Variants in MDN1 observed in about 807,000 individuals in gnomAD.
MDN1 encodes the protein midasin AAA ATPase 1, also known as midasin.
MDN1 carries 266 observed loss-of-function variants against 669.2 expected under a neutral mutation model. That is an observed-to-expected ratio of 0.40 (90% CI 0.36 to 0.44). The LOEUF is 0.44. MDN1 is among the 20% of genes least tolerant of loss of function. The pLI, the probability that MDN1 is intolerant of heterozygous loss-of-function variation, is 1.00. For missense variants in MDN1, 5,940 were observed against 6,754.0 expected (o/e 0.88, Z 4.22); for synonymous variants, 2,385 against 2,457.1 (o/e 0.97, Z 0.87).
intron 61 of MDN1, among the ~76,000 whole-genome samples, chr6:89,694,526 G>C (rs1422772601): frequency 1.3e-5 from 2 of 152,174 alleles, no homozygotes; most frequent in Admixed American, 6.5e-5. Context: ...AATAGCAAGG[G>C]ATACCACATT....
chr6:89,666,490 TTTG>T (rs1345828394), intron 84 of MDN1, among the ~76,000 whole-genome samples: 1 of 152,010 alleles, frequency 6.6e-6, no homozygotes, highest in Non-Finnish European at 1.5e-5. Flanking sequence ...GGTTTTGTTT[TTTG>T]TTTTGTTTTG....
chr6:89,683,076 A>G, intron 73 of MDN1, 56 bp downstream of exon 73: 2 of 1,570,864 alleles, frequency 1.3e-6, no homozygotes, highest in East Asian at 2.2e-5. Context: ...CACATAAAAC[A>G]CAGATCCCAC....
chr6:89,698,665 C>T (rs1812940368), intron 59 of MDN1, among the ~76,000 whole-genome samples, 200 bp downstream of exon 59: 1 of 151,956 alleles, frequency 6.6e-6, no homozygotes, highest in Admixed American at 6.6e-5. Flanking sequence ...CCTTTTTTGA[C>T]TTATCTCAAA....
At position 89,713,183 on chromosome 6, in the gene MDN1, A is replaced by G. The variant is rs1278897096; in HGVS notation, c.7183T>C (p.Tyr2395His). ...RAFSEACWEVYVCSQHSPANR... is the reference protein window; with the variant it reads ...RAFSEACWEVHVCSQHSPANR... ...GCTGGTGAATGCTGGGAACAGACAT[A>G]TACTTCCCAGCATGCTTCAGAAAAG... is the stretch of plus-strand genomic sequence containing the variant. The change falls in exon 47 of 102, where the codon TAT (tyrosine) becomes CAT (histidine). Residue 2395 changes from tyrosine (Y) to histidine (H), a missense_variant. This residue lies in a region of MDN1 where 2,292 missense variants were observed against 2,638.3 expected (regional missense o/e 0.87). Coordinates refer to ENST00000369393, the MANE Select transcript of MDN1 (RefSeq NM_014611.3). The G allele has an allele frequency of 1.2e-6, 2 of 1,614,066 alleles. No individual in the cohort carries two copies. Among genetic ancestry groups the G allele is most frequent in the Admixed American group, 1.7e-5 (1 of 60,004 alleles).
intron 83 of MDN1, among the ~76,000 whole-genome samples, chr6:89,669,731 G>T (rs1810503188): frequency 1.3e-5 from 2 of 152,112 alleles, no homozygotes; most frequent in Admixed American, 6.5e-5. Flanking sequence ...GAGGCTTGGT[G>T]AGGTTAAGAG....
intron 2 of MDN1, among the ~76,000 whole-genome samples, chr6:89,800,673 T>C (rs961915332): frequency 1.3e-5 from 2 of 152,164 alleles, no homozygotes; most frequent in Non-Finnish European, 2.9e-5. Context: ...TTTTAGCAAA[T>C]AATCAAACCT....
chr6:89,694,293 T>A, intron 61 of MDN1, 110 bp from the exon 62 acceptor site: 1 of 872,140 alleles, frequency 1.1e-6, no homozygotes, highest in South Asian at 1.5e-5. Context: ...TCTGGGTTCC[T>A]GAATGACCCA....
chr6:89,772,729 G>A lies in MDN1; in HGVS notation c.1935-8C>T. 1.9e-6 allele frequency: 3 copies of A among 1,609,594 alleles called. No individual in the cohort carries two copies. Among genetic ancestry groups the A allele is most frequent in the Non-Finnish European group, 2.5e-6 (3 of 1,178,466 alleles). On this transcript the variant is annotated splice_region_variant and splice_polypyrimidine_tract_variant and intron_variant, in intron 13 of 101. Transcript: ENST00000369393. Reference sequence around the variant, plus strand: ...GCGAAAGTGAACTTCTCCCTGGGAAGGAGAAAAAAAGAGTTTAAAAACCAC... The same window carrying A: ...GCGAAAGTGAACTTCTCCCTGGGAAAGAGAAAAAAAGAGTTTAAAAACCAC...
In MDN1 at chr6:89,662,305, G is replaced by T; in HGVS notation, c.14413-66C>A. The T allele has an allele frequency of 2.0e-6, 3 of 1,503,952 alleles. No homozygotes were observed. The South Asian group carries it at 3.8e-5, about 19-fold the overall frequency. 93.2% of individuals were successfully genotyped at this position (1,503,952 alleles called of 1,614,324 possible). A position where few individuals can be genotyped will look rare whatever the true frequency, so the allele number is the denominator to read the frequency against. ...CCAAGAAACTGCTTCTGCATGGGTT[G>T]ACTTTTAGACATGCATAATTTCTGC... On this transcript the variant is annotated intron_variant, in intron 86 of 101. Coordinates refer to ENST00000369393, the MANE Select transcript of MDN1 (RefSeq NM_014611.3).
intron 87 of MDN1, 63 bp downstream of exon 87, chr6:89,662,024 C>T (rs575724662): frequency 1.3e-5 from 20 of 1,548,050 alleles, no homozygotes. Context: ...ACCTTGAGAA[C>T]TATACAGCTC....
chr6:89,774,650 C>T lies in MDN1; in HGVS notation c.1905G>A (p.Arg635=). ...GTAGGTGAACAGCCTCACTTTGTTT[C>T]CGTAGAAGCCGCACTCGACCCACTT... The part of the protein sequence containing the change: ...DLQVGRVRLL[R]KQSEAVHLQR... Residue 635 remains arginine, a synonymous_variant, in exon 13 of 102, where the codon CGG becomes CGA. Transcript: ENST00000369393. 6.2e-7 allele frequency: 1 copy of T among 1,613,672 alleles called. No individual in the cohort carries two copies. Among genetic ancestry groups the T allele is most frequent in the East Asian group, 2.2e-5 (1 of 44,858 alleles).
chr6:89,745,134 T>TAAAAA (rs60588845), intron 29 of MDN1, 139 bp downstream of exon 29: 140 of 282,906 alleles, frequency 4.9e-4, no homozygotes, highest in South Asian at 1.3e-3. Context: ...AGTCTCTTCT[T>TAAAAA]AAAAAAAAAA....
chr6:89,655,409 G>C (rs1358797871), intron 92 of MDN1, among the ~76,000 whole-genome samples: 1 of 152,088 alleles, frequency 6.6e-6, no homozygotes, highest in South Asian at 2.1e-4. Context: ...CTGATATCGG[G>C]GTTTGGATGT....
At position 89,683,146 on chromosome 6, in the gene MDN1, G is replaced by T. The variant is rs1811760145; in HGVS notation, c.12088C>A (p.Pro4030Thr). ...CAACCAAGTACCTGCCCAGCTGCTGGTTGGGCTAACAGGGTCTCCCTCAGT... is the reference window on the plus strand; with the variant it reads ...CAACCAAGTACCTGCCCAGCTGCTGTTTGGGCTAACAGGGTCTCCCTCAGT... Reference protein sequence around the residue: ...RALRETLLAQPAAGQATIPEW... With the variant: ...RALRETLLAQTAAGQATIPEW... Residue 4030 changes from proline (P) to threonine (T), a missense_variant, in exon 73 of 102, where the codon CCA becomes ACA. Coordinates refer to ENST00000369393, the MANE Select transcript of MDN1 (RefSeq NM_014611.3). 6.2e-7 allele frequency: 1 copy of T among 1,613,998 alleles called. No individual in the cohort carries two copies. The highest frequency in any genetic ancestry group is 1.3e-5 in the African/African-American group (1 of 74,906).
chr6:89,697,920 G>A (rs531715393), intron 59 of MDN1, among the ~76,000 whole-genome samples: 38 of 152,144 alleles, frequency 2.5e-4, no homozygotes, highest in Non-Finnish European at 4.1e-4. Flanking sequence ...ACTATGACTC[G>A]AAAATTCAGA....
chr6:89,703,597 T>A (rs2128310431), intron 53 of MDN1, among the ~76,000 whole-genome samples: 1 of 152,314 alleles, frequency 6.6e-6, no homozygotes, highest in South Asian at 2.1e-4. Flanking sequence ...ATCATGTTAT[T>A]TGCCATTTTC....
At chr6:89,815,943 A>T (rs915034120) in intron 1 of MDN1, among the ~76,000 whole-genome samples, 1 of 152,200 alleles carries the variant, frequency 6.6e-6, no homozygotes, top group Non-Finnish European at 1.5e-5. Context: ...TTATATGTTC[A>T]AGGCAGAGCA....
chr6:89,784,947 AT>A lies in MDN1; in HGVS notation c.1449+64del. ...GAGGGTTCTGGTGGTTTATTATACT[AT>A]TTCCTATTTCACGCGGGAGCCACTG... On this transcript the variant is annotated intron_variant, in intron 9 of 101. Coordinates refer to ENST00000369393, the MANE Select transcript of MDN1 (RefSeq NM_014611.3). 3 of 1,054,130 alleles carry A rather than the reference AT, an allele frequency of 2.8e-6. No homozygotes were observed. In the Admixed American group the frequency reaches 5.5e-5, roughly 19 times the overall value. 65.3% of individuals were successfully genotyped at this position (1,054,130 alleles called of 1,614,324 possible).
chr6:89,772,337 A>T (rs963296894), intron 14 of MDN1, among the ~76,000 whole-genome samples: 4 of 152,206 alleles, frequency 2.6e-5, no homozygotes, highest in Admixed American at 2.6e-4. Flanking sequence ...ACATAATCCC[A>T]TATCTGTTTT....
Sources: allele counts gnomAD v4.1 joint callset (sites outside exome capture counted in the v4.1 genomes callset), GRCh38; gene constraint gnomAD v4.1.1; regional missense constraint gnomAD v4.1.1; transcripts MANE v1.5; gene names NCBI Gene and HGNC (gene_info 2026-07-23, HGNC 2026-07-21).